THADA: variants seen among roughly 807,000 people sequenced by gnomAD.
THADA encodes the protein tRNA (32-2'-O)-methyltransferase regulator THADA.
In THADA, 213 loss-of-function variants were observed where a neutral mutation model predicts 219.8. The ratio of observed to expected loss-of-function variants is 0.97; its 90% CI spans 0.87 to 1.09. The LOEUF is 1.09. THADA is among the 50% of genes least tolerant of loss of function. THADA has a pLI of 0.00. For synonymous variants in THADA, 1,018 were observed against 828.9 expected (o/e 1.23, Z -3.92); for missense variants, 2,956 against 2,311.3 (o/e 1.28, Z -5.72).
chr2:43,471,751 T>C (rs142448994), intron 26 of THADA, among the ~76,000 whole-genome samples: 50 of 152,362 alleles, frequency 3.3e-4, no homozygotes, highest in Non-Finnish European at 5.4e-4. Flanking sequence ...TTAATGATTG[T>C]TCCCTCTTCT....
intron 36 of THADA, among the ~76,000 whole-genome samples, chr2:43,249,869 T>C (rs1405366392): frequency 6.6e-6 from 1 of 152,208 alleles, no homozygotes; most frequent in African/African-American, 2.4e-5. Context: ...TCGGTTTATT[T>C]CCAGATCTAA....
At chr2:43,265,930 A>AACACAC (rs56173099) in intron 36 of THADA, among the ~76,000 whole-genome samples, 22 of 124,736 alleles carry the variant, frequency 1.8e-4, no homozygotes, top group Non-Finnish European at 2.9e-4. Context: ...TTACTTTTGA[A>AACACAC]ACACACACAC....
rs556540353 is a variant in THADA, at chr2:43,414,848, C to G, written c.4058+13252G>C. ...GAACTATTCTGGGAGGGCACAAAGA[C>G]AAGCTTTCATCTTAGAAAGGAAATG... On this transcript the variant is annotated intron_variant, in intron 28 of 37. Transcript: ENST00000405975. Among the ~76,000 whole-genome samples the G allele has an allele frequency of 2.6e-5, 4 of 152,188 alleles. No homozygotes were observed. In the East Asian group the frequency reaches 7.7e-4, roughly 29 times the overall value.
At chr2:43,454,602 AACAC>A (rs35970227) in intron 26 of THADA, among the ~76,000 whole-genome samples, 1,555 of 148,668 alleles carry the variant, frequency 0.01, 19 homozygotes, top group Non-Finnish European at 0.017. Context: ...ACCCTGTCTA[AACAC>A]ACACACACAC....
intron 36 of THADA, among the ~76,000 whole-genome samples, chr2:43,264,287 T>TC (rs1671279396): frequency 6.7e-6 from 1 of 150,130 alleles, no homozygotes; most frequent in Non-Finnish European, 1.5e-5. Flanking sequence ...CTTTTTCTTT[T>TC]CTTTTTTTTT....
intron 23 of THADA, among the ~76,000 whole-genome samples, chr2:43,508,212 G>C (rs1689947269): frequency 6.6e-6 from 1 of 152,076 alleles, no homozygotes; most frequent in Non-Finnish European, 1.5e-5. Context: ...TTATTTTATG[G>C]ATGGACGTTT....
intron 26 of THADA, among the ~76,000 whole-genome samples, chr2:43,442,700 G>C (rs1003420212): frequency 6.6e-6 from 1 of 152,126 alleles, no homozygotes; most frequent in African/African-American, 2.4e-5. Context: ...TACAAGAGCA[G>C]ATGGACTAGG....
intron 4 of THADA, among the ~76,000 whole-genome samples, chr2:43,587,434 A>G (rs1701140489): frequency 6.6e-6 from 1 of 152,014 alleles, no homozygotes; most frequent in Admixed American, 6.6e-5. Flanking sequence ...ATCTATCACA[A>G]TCCTGACCTC....
chr2:43,464,430 A>C (rs1033003860), intron 26 of THADA, among the ~76,000 whole-genome samples: 18 of 152,266 alleles, frequency 1.2e-4, no homozygotes, highest in Non-Finnish European at 2.6e-4. Flanking sequence ...ATTCCTAGCC[A>C]AATAAATGCT....
intron 26 of THADA, chr2:43,430,711 T>C (rs1476926215): frequency 4.4e-6 from 2 of 453,674 alleles, no homozygotes; most frequent in East Asian, 1.4e-4. Flanking sequence ...CTGGCACCAA[T>C]GACAGTTTGG....
intron 22 of THADA, among the ~76,000 whole-genome samples, chr2:43,516,417 C>T (rs1254273078): frequency 6.6e-6 from 1 of 152,112 alleles, no homozygotes; most frequent in Non-Finnish European, 1.5e-5. Context: ...AATTGGTTTA[C>T]CTGATGTTCC....
chr2:43,574,303 G>T (rs1024212822), intron 11 of THADA, 33 bp downstream of exon 11: 3 of 1,428,488 alleles, frequency 2.1e-6, no homozygotes, highest in Non-Finnish European at 1.9e-6. Context: ...ATCATAATTA[G>T]AAACTACTAA....
rs2103994426 is a variant in THADA, at chr2:43,231,009, A to G, written c.5801T>C (p.Val1934Ala). Residue 1934 changes from valine (V) to alanine (A), a missense_variant, in exon 38 of 38, where the codon GTT (valine) becomes GCT (alanine). Val to Ala is a moderately conservative substitution (Grantham distance 64, BLOSUM62 0). Transcript: ENST00000405975. ...CCTCGATTCTGCATAAGAGTCCCAA[A>G]CACTGAGAACTAGGGTGTCTTCCCC... ...KEGEDTLVLS[V>A]WDSYAESRQL... is the part of the protein sequence containing the mutation. 6.2e-7 allele frequency: 1 copy of G among 1,613,886 alleles called. No homozygotes were observed. Among genetic ancestry groups the G allele is most frequent in the Non-Finnish European group, 8.5e-7 (1 of 1,179,852 alleles).
intron 31 of THADA, among the ~76,000 whole-genome samples, chr2:43,304,348 A>G (rs1243671249): frequency 6.6e-6 from 1 of 152,216 alleles, no homozygotes; most frequent in Non-Finnish European, 1.5e-5. Flanking sequence ...CCATGAAGGC[A>G]GAAGGATCCT....
intron 26 of THADA, among the ~76,000 whole-genome samples, chr2:43,454,903 G>A (rs551956521): frequency 2.0e-5 from 3 of 151,766 alleles, no homozygotes; most frequent in Non-Finnish European, 2.9e-5. Flanking sequence ...CTGTCATTTT[G>A]ATTCCTAATT....
At position 43,305,203 on chromosome 2, in the gene THADA, GAAC is replaced by G. The variant is rs1027486964; in HGVS notation, c.4439-11993_4439-11991del. Among the ~76,000 whole-genome samples, 143 of 151,592 alleles carry G rather than the reference GAAC, an allele frequency of 9.4e-4. 1 individual carries two copies. The highest frequency in any genetic ancestry group is 3.4e-3 in the African/African-American group (140 of 41,396). ...ATTTGTAGAGAAAAGGAAACCATAG[GAAC>G]AACAACAACAATAACAACAGAATAA... On this transcript the variant is annotated intron_variant, in intron 31 of 37. Transcript: ENST00000405975.
At chr2:43,386,706 C>A (rs1463151634) in intron 29 of THADA, among the ~76,000 whole-genome samples, 1 of 152,012 alleles carries the variant, frequency 6.6e-6, no homozygotes, top group Non-Finnish European at 1.5e-5. Flanking sequence ...CCAGCCTGGC[C>A]AACATGGTGA....
At chr2:43,335,797 T>TAAA (rs143938377) in intron 30 of THADA, among the ~76,000 whole-genome samples, 303 of 123,532 alleles carry the variant, frequency 2.5e-3, no homozygotes, top group African/African-American at 7.1e-3. Flanking sequence ...GTCTCTACTT[T>TAAA]AAAAAAAAAA....
chr2:43,231,214 C>G lies in THADA; in HGVS notation c.5596G>C (p.Glu1866Gln), dbSNP rs1667374153. ...SKSGWRPPSP[E>Q]MLCHLQRMVS... is the part of the protein sequence containing the mutation. Reference sequence around the variant, plus strand: ...ATCCTTTGAAGGTGACAGAGCATCTCAGGGCTTGGGGGACGCCAGCCGGAC... The same window carrying G: ...ATCCTTTGAAGGTGACAGAGCATCTGAGGGCTTGGGGGACGCCAGCCGGAC... The change falls in exon 38 of 38, where the codon GAG becomes CAG. Residue 1866 changes from glutamate to glutamine, a missense_variant. Coordinates refer to ENST00000405975, the MANE Select transcript of THADA (RefSeq NM_022065.5). 6.2e-7 allele frequency: 1 copy of G among 1,613,748 alleles called. No individual in the cohort carries two copies. The highest frequency in any genetic ancestry group is 1.1e-5 in the South Asian group (1 of 91,056).
Sources: gnomAD v4.1 joint callset for allele counts (sites outside exome capture counted in the v4.1 genomes callset) on GRCh38, gnomAD v4.1.1 for gene constraint, MANE v1.5 for transcripts, NCBI Gene and HGNC (gene_info 2026-07-23, HGNC 2026-07-21) for gene names.